NALF1: variants seen among roughly 807,000 people sequenced by gnomAD.
NALF1 encodes the protein family with sequence similarity 155 member A.
In NALF1, 3 loss-of-function variants were observed where a neutral mutation model predicts 48.4. The observed-to-expected ratio is 0.06, with a 90% CI of 0.03 to 0.16. The LOEUF (loss-of-function observed/expected upper bound fraction) is 0.16. NALF1 is among the 10% of genes least tolerant of loss of function. NALF1 has a pLI of 1.00. For missense variants in NALF1, 526 were observed against 571.5 expected (o/e 0.92, Z 0.81); for synonymous variants, 262 against 245.7 (o/e 1.07, Z -0.62).
intron 2 of NALF1, among the ~76,000 whole-genome samples, chr13:107,197,050 C>T (rs370035274): frequency 1.3e-5 from 2 of 152,014 alleles, no homozygotes; most frequent in African/African-American, 2.4e-5. Flanking sequence ...GAGTGGGGCC[C>T]GCTGGTAGAA....
At chr13:107,854,260 C>T (rs1343504881) in intron 1 of NALF1, among the ~76,000 whole-genome samples, 1 of 152,230 alleles carries the variant, frequency 6.6e-6, no homozygotes, top group Admixed American at 6.5e-5. Flanking sequence ...CTGAAACCTG[C>T]CATACTTGGC....
At chr13:107,726,838 T>C (rs930817663) in intron 1 of NALF1, among the ~76,000 whole-genome samples, 1 of 151,864 alleles carries the variant, frequency 6.6e-6, no homozygotes. Context: ...CTGGATCTCT[T>C]GGTGATCCAC....
rs915668624 is a variant in NALF1, at chr13:107,608,645, G to A, written c.915+257037C>T. Among the ~76,000 whole-genome samples, 8 of 152,122 alleles carry A rather than the reference G, an allele frequency of 5.3e-5. No individual in the cohort carries two copies. In the East Asian group the frequency reaches 7.7e-4, roughly 15 times the overall value. On this transcript the variant is annotated intron_variant, in intron 1 of 2. Transcript: ENST00000375915. The stretch of plus-strand genomic sequence containing the variant: ...AGCTAATTCTAGAAGTGTAAGCAAC[G>A]GTTGCAGGGCACTTACTATATGTCG...
chr13:107,387,834 A>C (rs1197440885), intron 1 of NALF1, among the ~76,000 whole-genome samples: 1 of 152,224 alleles, frequency 6.6e-6, no homozygotes, highest in Non-Finnish European at 1.5e-5. Flanking sequence ...GTCATTCTTC[A>C]GTATGATTAA....
intron 1 of NALF1, among the ~76,000 whole-genome samples, chr13:107,845,368 C>T (rs1880143859): frequency 6.6e-6 from 1 of 152,130 alleles, no homozygotes; most frequent in Non-Finnish European, 1.5e-5. Flanking sequence ...CCAGTGTGTG[C>T]TGTGGAATGA....
chr13:107,418,453 CA>C (rs1187734328), intron 1 of NALF1, among the ~76,000 whole-genome samples: 1 of 152,124 alleles, frequency 6.6e-6, no homozygotes. Flanking sequence ...ATTCCTGACA[CA>C]CAGAAACGAT....
At chr13:107,470,736 TCTGTTTGAA>T (rs1885087026) in intron 1 of NALF1, among the ~76,000 whole-genome samples, 1 of 152,182 alleles carries the variant, frequency 6.6e-6, no homozygotes, top group African/African-American at 2.4e-5. Flanking sequence ...TTAACATAAT[TCTGTTTGAA>T]CTGTTGAAAT....
chr13:107,512,256 A>C (rs1260624727), intron 1 of NALF1, among the ~76,000 whole-genome samples: 1 of 152,104 alleles, frequency 6.6e-6, no homozygotes, highest in East Asian at 1.9e-4. Context: ...TAGCCAGGCG[A>C]GGTAGCACAC....
chr13:107,853,037 T>C (rs1000272873), intron 1 of NALF1, among the ~76,000 whole-genome samples: 1 of 112,980 alleles, frequency 8.9e-6, no homozygotes, highest in Non-Finnish European at 1.6e-5. Context: ...GTGAATATGA[T>C]TTTTTCCCAA....
At chr13:107,689,985 A>G (rs945446449) in intron 1 of NALF1, among the ~76,000 whole-genome samples, 3 of 152,242 alleles carry the variant, frequency 2.0e-5, no homozygotes, top group African/African-American at 4.8e-5. Context: ...GTGACAGTGA[A>G]CAAATTATGC....
intron 1 of NALF1, among the ~76,000 whole-genome samples, chr13:107,813,455 T>C (rs1347989016): frequency 6.6e-6 from 1 of 152,184 alleles, no homozygotes; most frequent in South Asian, 2.1e-4. Context: ...AAAATAAGTT[T>C]TGGAAAGCTC....
intron 1 of NALF1, among the ~76,000 whole-genome samples, chr13:107,295,337 T>C: frequency 6.6e-6 from 1 of 152,248 alleles, no homozygotes; most frequent in Non-Finnish European, 1.5e-5. Flanking sequence ...TTTTTATGGC[T>C]GTGTAGTATT....
intron 1 of NALF1, among the ~76,000 whole-genome samples, chr13:107,527,089 G>A (rs1876472361): frequency 6.6e-6 from 1 of 152,088 alleles, no homozygotes; most frequent in African/African-American, 2.4e-5. Context: ...TAACCCCAGT[G>A]AAATTTCAAA....
intron 1 of NALF1, among the ~76,000 whole-genome samples, chr13:107,802,055 G>A (rs750753847): frequency 3.9e-5 from 6 of 152,156 alleles, no homozygotes; most frequent in Non-Finnish European, 8.8e-5. Context: ...AACACCTCAA[G>A]ATGAAAGTCT....
At chr13:107,281,497 C>T (rs1033930110) in intron 1 of NALF1, among the ~76,000 whole-genome samples, 1 of 152,016 alleles carries the variant, frequency 6.6e-6, no homozygotes, top group Non-Finnish European at 1.5e-5. Flanking sequence ...TGCTATAGGC[C>T]TCATAATGCC....
At chr13:107,238,055 T>A (rs1880390069) in intron 1 of NALF1, among the ~76,000 whole-genome samples, 1 of 152,168 alleles carries the variant, frequency 6.6e-6, no homozygotes, top group Non-Finnish European at 1.5e-5. Flanking sequence ...TTATCTCGAA[T>A]CCAGAGGTCT....
chr13:107,175,997 T>C (rs766940812), intron 2 of NALF1, among the ~76,000 whole-genome samples: 11 of 152,186 alleles, frequency 7.2e-5, no homozygotes, highest in Non-Finnish European at 1.2e-4. Context: ...ATAGGTAGCA[T>C]GCCTGAGAGT....
intron 1 of NALF1, among the ~76,000 whole-genome samples, chr13:107,260,980 G>T (rs1349988332): frequency 6.6e-6 from 1 of 152,098 alleles, no homozygotes; most frequent in African/African-American, 2.4e-5. Context: ...TTCGAAGATG[G>T]TTATCTCCAC....
At chr13:107,258,996 A>G (rs74114029) in intron 1 of NALF1, among the ~76,000 whole-genome samples, 15,900 of 152,120 alleles carry the variant, frequency 0.1, 937 homozygotes, top group Admixed American at 0.15. Context: ...ATGGGAGAAC[A>G]GACTCATATA....
Sources: gnomAD v4.1 joint callset for allele counts (sites outside exome capture counted in the v4.1 genomes callset) on GRCh38, gnomAD v4.1.1 for gene constraint, MANE v1.5 for transcripts, NCBI Gene and HGNC (gene_info 2026-07-23, HGNC 2026-07-21) for gene names.